RYR2: variants seen among roughly 807,000 people sequenced by gnomAD.
RYR2 encodes the protein cardiac muscle ryanodine receptor-calcium release channel.
Under a neutral mutation model 601.1 loss-of-function variants are expected in RYR2, and 227 were observed. That is an observed-to-expected ratio of 0.38 (90% confidence interval 0.34 to 0.42). RYR2 has a LOEUF of 0.42. RYR2 is among the 10% of genes least tolerant of loss of function. RYR2 has a pLI of 1.00. For synonymous variants in RYR2, 2,223 were observed against 2,175.1 expected, an observed-to-expected ratio of 1.02 and a Z score of -0.61; for missense variants, 4,646 against 6,156.5, an observed-to-expected ratio of 0.75 and a Z score of 8.21.
chr1:237,610,647 C>T lies in RYR2; in HGVS notation c.4684-115C>T. On this transcript the variant is annotated intron_variant, in intron 35 of 104. Coordinates refer to ENST00000366574, the MANE Select transcript of RYR2 (RefSeq NM_001035.3). The surrounding 1 kb of genome is among the most constrained non-coding windows in gnomAD (Gnocchi z 4.9). ...GATTTCTTGTGTTGACTTTGCTTGA[C>T]TCATAGGGTTATCTTACTTTCCCTG... is the stretch of plus-strand genomic sequence containing the variant. 1 of 840,388 alleles carries T rather than the reference C, an allele frequency of 1.2e-6. No homozygotes were observed. Among genetic ancestry groups the T allele is most frequent in the Non-Finnish European group, 1.8e-6 (1 of 542,254 alleles). 52.1% of individuals were successfully genotyped at this position (840,388 alleles called of 1,614,324 possible). A position where few individuals can be genotyped will look rare whatever the true frequency, so the allele number is the denominator to read the frequency against.
At chr1:237,397,800 T>C (rs990543979) in intron 10 of RYR2, among the ~76,000 whole-genome samples, 23 of 150,788 alleles carry the variant, frequency 1.5e-4, no homozygotes, top group Non-Finnish European at 2.5e-4. Flanking sequence ...CGGCTCACTG[T>C]AAGCTCCGCC....
intron 1 of RYR2, among the ~76,000 whole-genome samples, chr1:237,191,709 A>T (rs1212236473): frequency 6.6e-6 from 1 of 152,202 alleles, no homozygotes; most frequent in Non-Finnish European, 1.5e-5. Context: ...ACAACTTTTG[A>T]CTTCATTTAA....
intron 67 of RYR2, among the ~76,000 whole-genome samples, chr1:237,706,495 T>C (rs376542133): frequency 6.6e-6 from 1 of 152,118 alleles, no homozygotes; most frequent in African/African-American, 2.4e-5. Context: ...GATAGCTAAG[T>C]AATCCAGGAA....
At chr1:237,247,065 G>A (rs1686931405) in intron 1 of RYR2, among the ~76,000 whole-genome samples, 1 of 152,116 alleles carries the variant, frequency 6.6e-6, no homozygotes, top group Admixed American at 6.5e-5. Context: ...TCTAGTAGTA[G>A]CACTAGTATA....
chr1:237,447,731 C>G (rs12240168), intron 14 of RYR2, among the ~76,000 whole-genome samples: 15,492 of 151,726 alleles, frequency 0.1, 1,209 homozygotes, highest in African/African-American at 0.22. Flanking sequence ...TACCTCACAC[C>G]TTTTGATTTT....
At chr1:237,751,333 A>G (rs1157942893) in intron 80 of RYR2, among the ~76,000 whole-genome samples, 7 of 152,230 alleles carry the variant, frequency 4.6e-5, no homozygotes, top group African/African-American at 1.7e-4. Flanking sequence ...GAGATAAACT[A>G]CATTCCCTCT....
chr1:237,066,379 G>T (rs1041589866), intron 1 of RYR2, among the ~76,000 whole-genome samples: 45 of 152,166 alleles, frequency 3.0e-4, no homozygotes, highest in Non-Finnish European at 2.2e-4. Context: ...TGTAAGTTAT[G>T]TTTGGTTGGT....
At chr1:237,269,974 A>C (rs2149345084) in intron 1 of RYR2, among the ~76,000 whole-genome samples, 1 of 152,316 alleles carries the variant, frequency 6.6e-6, no homozygotes, top group South Asian at 2.1e-4. Context: ...TGATATGATC[A>C]AGCAACTAAT....
At chr1:237,806,978 TTA>T (rs1304454265) in intron 99 of RYR2, among the ~76,000 whole-genome samples, 4 of 152,196 alleles carry the variant, frequency 2.6e-5, no homozygotes, top group African/African-American at 9.7e-5. Flanking sequence ...ATATTCTGTG[TTA>T]GTTATTTGGC....
chr1:237,223,063 C>T (rs965696386), intron 1 of RYR2, among the ~76,000 whole-genome samples: 1 of 152,188 alleles, frequency 6.6e-6, no homozygotes, highest in African/African-American at 2.4e-5. Flanking sequence ...GAGTGAAACT[C>T]CGTCTCAAAA....
intron 1 of RYR2, among the ~76,000 whole-genome samples, chr1:237,068,457 T>C (rs1434392110): frequency 6.6e-6 from 1 of 152,190 alleles, no homozygotes; most frequent in Non-Finnish European, 1.5e-5. Flanking sequence ...TCTGATAACA[T>C]TGGTAAATTG....
intron 95 of RYR2, among the ~76,000 whole-genome samples, chr1:237,794,262 C>T (rs1220561427): frequency 2.6e-5 from 4 of 152,120 alleles, no homozygotes; most frequent in South Asian, 2.1e-4. Context: ...ATCCATTACT[C>T]AGCGTTCAGG....
Position 237,270,521 on chromosome 1 carries a change from A to G in RYR2, c.73A>G (p.Thr25Ala). 6.3e-7 allele frequency: 1 copy of G among 1,590,554 alleles called. No individual in the cohort carries two copies. The highest frequency in any genetic ancestry group is 8.6e-7 in the Non-Finnish European group (1 of 1,167,906). The stretch of plus-strand genomic sequence containing the variant: ...GGATGATGAAGTGGTTCTGCAGTGC[A>G]CCGCAACCATCCACAAAGAACAACA... ...RTDDEVVLQC[T>A]ATIHKEQQKL... The change falls in exon 2 of 105, where the codon ACC becomes GCC. Residue 25 changes from threonine (T) to alanine (A), a missense_variant. By Grantham distance (58) the Thr-to-Ala change is moderately conservative. Transcript: ENST00000366574.
chr1:237,310,018 G>C (rs1342817142), intron 2 of RYR2, among the ~76,000 whole-genome samples: 1 of 152,192 alleles, frequency 6.6e-6, no homozygotes, highest in African/African-American at 2.4e-5. Flanking sequence ...TGCAAGCAGA[G>C]GGAGCCAGCT....
chr1:237,584,393 T>C (rs1283338615), intron 29 of RYR2, among the ~76,000 whole-genome samples: 1 of 152,188 alleles, frequency 6.6e-6, no homozygotes, highest in Non-Finnish European at 1.5e-5. Context: ...ATGTAGACAG[T>C]GGTATACAAT....
intron 29 of RYR2, among the ~76,000 whole-genome samples, chr1:237,582,984 G>A (rs981830881): frequency 2.0e-5 from 3 of 151,162 alleles, no homozygotes. Flanking sequence ...TCTGTTTTAA[G>A]TTCTTTGAGA....
In RYR2 at chr1:237,235,056, C is replaced by T. The variant is rs142836670; in HGVS notation, c.49-35441C>T. 8.3e-4 allele frequency among the ~76,000 whole-genome samples: 127 copies of T among 152,254 alleles called. 1 individual carries two copies. Among genetic ancestry groups the T allele is most frequent in the African/African-American group, 2.6e-3 (108 of 41,550 alleles). On this transcript the variant is annotated intron_variant, in intron 1 of 104. Transcript: ENST00000366574. Reference sequence around the variant, plus strand: ...CCTTTGAAGGGTCATGATTCAGAAGCCCAGGCCTCTTCTCCACACTTCTGA... The same window carrying T: ...CCTTTGAAGGGTCATGATTCAGAAGTCCAGGCCTCTTCTCCACACTTCTGA...
At chr1:237,686,196 C>T (rs755128099) in intron 62 of RYR2, among the ~76,000 whole-genome samples, 2 of 152,074 alleles carry the variant, frequency 1.3e-5, no homozygotes, top group East Asian at 1.9e-4. Flanking sequence ...TAGCTGTTCT[C>T]GTTATTGGGA....
At position 237,630,321 on chromosome 1, in the gene RYR2, G is replaced by A. The variant is rs1480437821; in HGVS notation, c.6441-1106G>A. ...ACTTCATTCAAAGATTTGAATTAAT[G>A]AGACAATAAAAAGAAAAAGCTGCCC... On this transcript the variant is annotated intron_variant, in intron 41 of 104. Transcript: ENST00000366574. Among the ~76,000 whole-genome samples the A allele has an allele frequency of 2.0e-5, 3 of 152,210 alleles. No homozygotes were observed. The East Asian group carries it at 5.8e-4, about 29-fold the overall frequency.
Sources: gnomAD v4.1 joint callset for allele counts (sites outside exome capture counted in the v4.1 genomes callset) on GRCh38, gnomAD v4.1.1 for gene constraint, Gnocchi (gnomAD v3.1) non-coding constraint, MANE v1.5 for transcripts, NCBI Gene and HGNC (gene_info 2026-07-23, HGNC 2026-07-21) for gene names.